Variants in LRP1B observed in about 807,000 individuals in gnomAD.
LRP1B encodes the protein LDL receptor related protein 1B.
LRP1B carries 217 observed loss-of-function variants against 556.6 expected under a neutral mutation model. That is an observed-to-expected ratio of 0.39 (90% CI 0.35 to 0.44). The LOEUF is 0.44. Among genes scored for constraint, LRP1B ranks in the 20% least tolerant of loss-of-function variants. The pLI, the probability that LRP1B is intolerant of heterozygous loss-of-function variation, is 1.00. For missense variants in LRP1B, 5,053 were observed against 5,620.8 expected, an observed-to-expected ratio of 0.90 and a Z score of 3.23; for synonymous variants, 2,047 against 1,865.8, an observed-to-expected ratio of 1.10 and a Z score of -2.50.
Position 140,536,695 on chromosome 2 carries a change from A to T in LRP1B, c.7528T>A (p.Cys2510Ser). 6.3e-7 allele frequency: 1 copy of T among 1,593,158 alleles called. No homozygotes were observed. The highest frequency in any genetic ancestry group is 8.5e-7 in the Non-Finnish European group (1 of 1,173,248). ...DNRCVTKNSS[C>S]NAYSEFECGN... is the part of the protein sequence containing the mutation. ...CATTCAAACTCCGAATAAGCGTTGC[A>T]GGAGGAATTTTTAGCTGCAAGAAAA... Residue 2510 changes from cysteine to serine, a missense_variant, in exon 46 of 91, where the codon TGC becomes AGC. Cys to Ser is a moderately radical substitution (Grantham distance 112). Transcript: ENST00000389484.
intron 29 of LRP1B, among the ~76,000 whole-genome samples, chr2:140,848,695 T>C (rs927377608): frequency 6.6e-6 from 1 of 152,192 alleles, no homozygotes; most frequent in Non-Finnish European, 1.5e-5. Flanking sequence ...CTACCAAATT[T>C]AGGTTGAAGA....
intron 10 of LRP1B, among the ~76,000 whole-genome samples, chr2:141,052,957 A>G (rs1286993688): frequency 6.6e-6 from 1 of 151,932 alleles, no homozygotes; most frequent in Non-Finnish European, 1.5e-5. Flanking sequence ...CTTCTAATGG[A>G]TGTCTTAATT....
At position 140,991,018 on chromosome 2, in the gene LRP1B, G is replaced by A. The variant is rs550586028; in HGVS notation, c.2645-1361C>T. Among the ~76,000 whole-genome samples the A allele has an allele frequency of 5.3e-5, 8 of 152,128 alleles. No homozygotes were observed. The East Asian group carries it at 1.2e-3, about 22-fold the overall frequency. On this transcript the variant is annotated intron_variant, in intron 16 of 90. Coordinates refer to ENST00000389484, the MANE Select transcript of LRP1B (RefSeq NM_018557.3). ...ACGTGGTTTTATCACTTTTTAGAAA[G>A]TTTTTATTGATGTATAGTAAAAAAA...
intron 29 of LRP1B, among the ~76,000 whole-genome samples, chr2:140,844,574 C>A (rs994018506): frequency 5.9e-5 from 9 of 151,918 alleles, no homozygotes; most frequent in Admixed American, 5.9e-4. Flanking sequence ...TAATATTTTT[C>A]TTTTTGATAA....
At chr2:142,049,481 A>G (rs1704371409) in intron 1 of LRP1B, among the ~76,000 whole-genome samples, 1 of 152,102 alleles carries the variant, frequency 6.6e-6, no homozygotes, top group Admixed American at 6.6e-5. Flanking sequence ...GTCAAATACT[A>G]TATGAACTAT....
At chr2:140,412,516 C>T (rs926301768) in intron 66 of LRP1B, among the ~76,000 whole-genome samples, 4 of 152,090 alleles carry the variant, frequency 2.6e-5, no homozygotes, top group African/African-American at 7.2e-5. Flanking sequence ...TCTAAGTAAG[C>T]GTGAGTGCTC....
intron 2 of LRP1B, among the ~76,000 whole-genome samples, chr2:141,652,398 G>A (rs1403197946): frequency 6.6e-6 from 1 of 152,186 alleles, no homozygotes; most frequent in African/African-American, 2.4e-5. Flanking sequence ...TTGATAATGT[G>A]ATTTATTAGA....
At position 141,916,076 on chromosome 2, in the gene LRP1B, C is replaced by CA. The variant is rs1700023367; in HGVS notation, c.83-105676dup. Among the ~76,000 whole-genome samples, 6 of 152,242 alleles carry CA rather than the reference C, an allele frequency of 3.9e-5. No individual in the cohort carries two copies. In the South Asian group the frequency reaches 1.2e-3, roughly 32 times the overall value. The stretch of plus-strand genomic sequence containing the variant: ...TTGATCCAGCAAACCCATTGTTGGG[C>CA]ATATTTCAACAAAAATTGAATCATT... On this transcript the variant is annotated intron_variant, in intron 1 of 90. Transcript: ENST00000389484.
chr2:140,839,333 G>C (rs1305364715), intron 31 of LRP1B, among the ~76,000 whole-genome samples: 1 of 152,180 alleles, frequency 6.6e-6, no homozygotes, highest in Admixed American at 6.5e-5. Context: ...AACTTGTTTG[G>C]ATTGCAGGAT....
intron 2 of LRP1B, among the ~76,000 whole-genome samples, chr2:141,755,566 C>A (rs918571346): frequency 6.6e-6 from 1 of 151,914 alleles, no homozygotes; most frequent in African/African-American, 2.4e-5. Context: ...CTAAAGAGGT[C>A]ACGAGGTAAA....
intron 51 of LRP1B, among the ~76,000 whole-genome samples, chr2:140,512,891 T>C (rs1689725273): frequency 6.6e-6 from 1 of 152,180 alleles, no homozygotes; most frequent in Admixed American, 6.5e-5. Context: ...CATTGGCTGA[T>C]GATTGGTCTA....
chr2:141,198,639 C>T (rs1681854215), intron 6 of LRP1B, among the ~76,000 whole-genome samples: 1 of 152,014 alleles, frequency 6.6e-6, no homozygotes, highest in Admixed American at 6.6e-5. Flanking sequence ...GTACCTCCTT[C>T]CACTCACTTT....
chr2:141,863,007 A>G (rs143854118), intron 1 of LRP1B, among the ~76,000 whole-genome samples: 6 of 152,322 alleles, frequency 3.9e-5, no homozygotes, highest in Non-Finnish European at 8.8e-5. Context: ...TCTCTTATGC[A>G]TTAAGCTGTC....
chr2:141,534,232 G>A (rs1684990003), intron 2 of LRP1B, among the ~76,000 whole-genome samples: 1 of 152,160 alleles, frequency 6.6e-6, no homozygotes, highest in African/African-American at 2.4e-5. Context: ...GATGAGGACT[G>A]ACAGCCAACC....
At chr2:140,397,321 C>T (rs1684297674) in intron 66 of LRP1B, among the ~76,000 whole-genome samples, 1 of 152,108 alleles carries the variant, frequency 6.6e-6, no homozygotes, top group East Asian at 1.9e-4. Flanking sequence ...AGCTATTTTT[C>T]CTAATGCTCC....
At chr2:140,936,849 T>C (rs1276917063) in intron 20 of LRP1B, among the ~76,000 whole-genome samples, 2 of 151,980 alleles carry the variant, frequency 1.3e-5, no homozygotes, top group African/African-American at 4.8e-5. Flanking sequence ...ATGTATTAGG[T>C]TGGTACAAAA....
intron 2 of LRP1B, among the ~76,000 whole-genome samples, chr2:141,705,251 G>A (rs1179633801): frequency 6.6e-6 from 1 of 151,906 alleles, no homozygotes; most frequent in Non-Finnish European, 1.5e-5. Flanking sequence ...ATCAATTTCT[G>A]CTATGTCATT....
intron 55 of LRP1B, among the ~76,000 whole-genome samples, chr2:140,496,369 C>A (rs972444523): frequency 6.6e-6 from 1 of 152,040 alleles, no homozygotes; most frequent in African/African-American, 2.4e-5. Context: ...CTTGTACACA[C>A]TGAAATTTTT....
intron 18 of LRP1B, among the ~76,000 whole-genome samples, chr2:140,972,283 A>G (rs1486860525): frequency 6.6e-6 from 1 of 152,206 alleles, no homozygotes; most frequent in African/African-American, 2.4e-5. Context: ...AAATAAACAG[A>G]ATAAGGAAGT....
Sources: allele counts gnomAD v4.1 joint callset (sites outside exome capture counted in the v4.1 genomes callset), GRCh38; gene constraint gnomAD v4.1.1; transcripts MANE v1.5; gene names NCBI Gene and HGNC (gene_info 2026-07-23, HGNC 2026-07-21).